Variants in FCRL3 observed in about 807,000 individuals in gnomAD.
FCRL3 encodes Fc receptor like 3.
FCRL3 carries 89 observed loss-of-function variants against 75.0 expected under a neutral mutation model. The observed-to-expected ratio is 1.19, with a 90% CI of 1.00 to 1.42. The LOEUF is 1.42. Among genes scored for constraint, FCRL3 ranks in the 40% most tolerant of loss-of-function variants. The probability of loss-of-function intolerance (pLI) is 0.00; values close to 1 mark genes in which losing one functional copy is unlikely to be tolerated. For missense variants in FCRL3, 946 were observed against 880.0 expected (o/e 1.07, Z -0.95); for synonymous variants, 376 against 348.5 (o/e 1.08, Z -0.88).
At chr1:157,685,183 A>T (rs1655099820) in intron 10 of FCRL3, among the ~76,000 whole-genome samples, 1 of 151,848 alleles carries the variant, frequency 6.6e-6, no homozygotes, top group African/African-American at 2.4e-5. Flanking sequence ...AGTATGTTAT[A>T]GATTAGAAAA....
chr1:157,700,356 G>A, intron 2 of FCRL3, 103 bp downstream of exon 2: 2 of 1,559,032 alleles, frequency 1.3e-6, no homozygotes, highest in Admixed American at 3.5e-5. Context: ...CTTGCTATCT[G>A]TCTCTGAACC....
intron 8 of FCRL3, 122 bp downstream of exon 8, chr1:157,695,207 G>T: frequency 1.0e-6 from 1 of 985,826 alleles, no homozygotes; most frequent in Non-Finnish European, 1.5e-6. Flanking sequence ...ACTCCCAGGT[G>T]GAGTCAGAAA....
intron 8 of FCRL3, among the ~76,000 whole-genome samples, chr1:157,694,395 T>G (rs1230680487): frequency 6.6e-6 from 1 of 152,196 alleles, no homozygotes; most frequent in Non-Finnish European, 1.5e-5. Flanking sequence ...ATTACCCAAG[T>G]TTGGCCTATA....
rs777897301 is a variant in FCRL3 at position 157,697,262 on chromosome 1, C to A, written c.722G>T (p.Arg241Met). The A allele has an allele frequency of 6.2e-6, 10 of 1,611,234 alleles. No individual in the cohort carries two copies. The highest frequency in any genetic ancestry group is 1.3e-5 in the African/African-American group (1 of 74,838). Residue 241 changes from arginine to methionine, a missense_variant, in exon 6 of 15, where the codon AGG (arginine) becomes ATG (methionine). By Grantham distance (91) the Arg-to-Met change is moderately conservative. Transcript: ENST00000368184. ...DSQTLGLGWS[R>M]SPRLQIPAMW... Reference sequence around the variant, plus strand: ...GGCAGGGATCTGGAGTCTGGGGGACCTGCTCCAGCCCAATCCGAGGGTCTG... The same window carrying A: ...GGCAGGGATCTGGAGTCTGGGGGACATGCTCCAGCCCAATCCGAGGGTCTG...
chr1:157,696,949 A>T, intron 6 of FCRL3, 191 bp downstream of exon 6: 1 of 433,948 alleles, frequency 2.3e-6, no homozygotes, highest in Non-Finnish European at 3.9e-6. Flanking sequence ...ATCAATAATT[A>T]CTATTACCTG....
chr1:157,697,533 A>G (rs576247478), intron 5 of FCRL3, 109 bp from the exon 6 acceptor site: 146 of 1,463,054 alleles, frequency 1.0e-4, no homozygotes, highest in African/African-American at 7.4e-4. Flanking sequence ...AGCATGCAGA[A>G]GGAACCATCT....
In FCRL3 at chr1:157,695,578, T is replaced by C; in HGVS notation, c.1162A>G (p.Arg388Gly). The change falls in exon 8 of 15, where the codon AGG (arginine) becomes GGG (glycine). Residue 388 changes from arginine to glycine, a missense_variant. Transcript: ENST00000368184. ...ACCACAGTGTGGGCCCTGGGAGCCCTGAAGGTGAGGACAGGGTGAGATACC... is the reference window on the plus strand; with the variant it reads ...ACCACAGTGTGGGCCCTGGGAGCCCCGAAGGTGAGGACAGGGTGAGATACC... ...IPVSHPVLTFRAPRAHTVVGD... is the reference protein window; with the variant it reads ...IPVSHPVLTFGAPRAHTVVGD... 2 of 1,613,100 alleles carry C rather than the reference T, an allele frequency of 1.2e-6. No homozygotes were observed. The highest frequency in any genetic ancestry group is 2.2e-5 in the South Asian group (2 of 90,996).
In FCRL3 at chr1:157,698,497, T is replaced by C; in HGVS notation, c.185A>G (p.Glu62Gly). The stretch of plus-strand genomic sequence containing the variant: ...GTCATGTTTTATTTTCAACAACTTC[T>C]CATCGTGATACCAATATGTGTCTCC... Reference protein sequence around the residue: ...AQGDTYWYHDEKLLKIKHDKI... With the variant: ...AQGDTYWYHDGKLLKIKHDKI... Residue 62 changes from glutamate to glycine, a missense_variant, in exon 4 of 15, where the codon GAG (glutamate) becomes GGG (glycine). Coordinates refer to ENST00000368184, the MANE Select transcript of FCRL3 (RefSeq NM_052939.4). 6 of 1,614,260 alleles carry C rather than the reference T, an allele frequency of 3.7e-6. No homozygotes were observed. The highest frequency in any genetic ancestry group is 5.1e-6 in the Non-Finnish European group (6 of 1,180,042).
intron 10 of FCRL3, 82 bp from the exon 11 acceptor site, chr1:157,683,326 A>C: frequency 6.6e-7 from 1 of 1,518,236 alleles, no homozygotes; most frequent in South Asian, 1.2e-5. Flanking sequence ...TTTCCTAGAA[A>C]TCAGATTCAT....
rs564259735 is a variant in FCRL3, at chr1:157,696,141, T to G, written c.1031A>C (p.His344Pro). The G allele has an allele frequency of 6.2e-7, 1 of 1,613,996 alleles. No individual in the cohort carries two copies. Among genetic ancestry groups the G allele is most frequent in the Admixed American group, 1.7e-5 (1 of 60,012 alleles). ...KTQRSLLAEL[H>P]VLTVKESDAG... Reference sequence around the variant, plus strand: ...ATCACTCTCCTTCACGGTGAGAACATGCAGCTCTGCCAACAGGGAACGCTG... The same window carrying G: ...ATCACTCTCCTTCACGGTGAGAACAGGCAGCTCTGCCAACAGGGAACGCTG... The change falls in exon 7 of 15, where the codon CAT (histidine) becomes CCT (proline). Residue 344 changes from histidine to proline, a missense_variant. Coordinates refer to ENST00000368184, the MANE Select transcript of FCRL3 (RefSeq NM_052939.4).
chr1:157,680,603 G>A (rs963892189), intron 13 of FCRL3, 99 bp downstream of exon 13: 60 of 982,306 alleles, frequency 6.1e-5, no homozygotes, highest in Admixed American at 6.0e-4. Context: ...AATGCCTTGC[G>A]TGTTGGGCTT....
Position 157,690,316 on chromosome 1 carries a change from T to C in FCRL3, c.1629A>G (p.Ser543=). ...CCCCCAGGCCATTGTCAGCCTCACA[T>C]GAGTAGTTTCCAGAATGTTCTGTAG... ...SLTTEHSGNY[S]CEADNGLGAQ... The change falls in exon 9 of 15, where the codon TCA becomes TCG. Residue 543 remains serine (S), a synonymous_variant. Transcript: ENST00000368184. The C allele has an allele frequency of 1.9e-6, 3 of 1,614,202 alleles. No individual in the cohort carries two copies. Among genetic ancestry groups the C allele is most frequent in the South Asian group, 1.1e-5 (1 of 91,088 alleles).
chr1:157,681,476 A>G (rs2101588772), intron 11 of FCRL3, among the ~76,000 whole-genome samples: 1 of 139,818 alleles, frequency 7.2e-6, no homozygotes, highest in Non-Finnish European at 1.5e-5. Flanking sequence ...CCCACCTATG[A>G]GTGAGAACAT....
rs762917378 is a variant in FCRL3 at position 157,676,822 on chromosome 1, A to C, written c.*1888T>G. 53 of 1,547,796 alleles carry C rather than the reference A, an allele frequency of 3.4e-5. No individual in the cohort carries two copies. Among genetic ancestry groups the C allele is most frequent in the Non-Finnish European group, 4.5e-5 (52 of 1,145,886 alleles). On this transcript the variant is annotated 3_prime_UTR_variant, in exon 15 of 15. Coordinates refer to ENST00000368184, the MANE Select transcript of FCRL3 (RefSeq NM_052939.4). ...ATGACAGGTCCCTTAGAGAAAGTTC[A>C]CTATAAGGCACAAAGGGGCTTGGCA... is the stretch of plus-strand genomic sequence containing the variant.
In FCRL3 at chr1:157,680,961, G is replaced by GC. The variant is rs144765595; in HGVS notation, c.1957+19dup. On this transcript the variant is annotated intron_variant, in intron 12 of 14. Transcript: ENST00000368184. ...CCCTGGCTCCTCCCTAGAGCCTTCT[G>GC]CCCCCTAGGGAGTCCTCACCATTGC... 8.8e-5 allele frequency: 136 copies of GC among 1,548,944 alleles called. No individual in the cohort carries two copies. In the African/African-American group the frequency reaches 1.8e-3, roughly 20 times the overall value.
rs1002339765 is a variant in FCRL3 at position 157,695,452 on chromosome 1, G to A, written c.1288C>T (p.Pro430Ser). 46 of 1,614,196 alleles carry A rather than the reference G, an allele frequency of 2.8e-5. No individual in the cohort carries two copies. The highest frequency in any genetic ancestry group is 3.8e-5 in the Non-Finnish European group (45 of 1,180,036). The change falls in exon 8 of 15, where the codon CCC (proline) becomes TCC (serine). Residue 430 changes from proline (P) to serine (S), a missense_variant. Coordinates refer to ENST00000368184, the MANE Select transcript of FCRL3 (RefSeq NM_052939.4). ...EDVTLGNSSA[P>S]SGGGASFNLS... ...TTGAAGGAGGCTCCTCCTCCAGAGG[G>A]GGCTGAGCTGTTCCCCAGGGTGACA... is the stretch of plus-strand genomic sequence containing the variant.
chr1:157,684,195 G>T (rs772863710), intron 10 of FCRL3, among the ~76,000 whole-genome samples: 1 of 152,128 alleles, frequency 6.6e-6, no homozygotes, highest in Non-Finnish European at 1.5e-5. Context: ...GCAAGTTTCC[G>T]TCATCACCGA....
chr1:157,677,694 T>C lies in FCRL3; in HGVS notation c.*1016A>G, dbSNP rs994694035. 1 of 770,086 alleles carries C rather than the reference T, an allele frequency of 1.3e-6. No homozygotes were observed. The highest frequency in any genetic ancestry group is 1.9e-5 in the African/African-American group (1 of 52,464). 47.7% of individuals were successfully genotyped at this position (770,086 alleles called of 1,614,324 possible). A position where few individuals can be genotyped will look rare whatever the true frequency, so the allele number is the denominator to read the frequency against. ...CTATAGCAACACGCAACAATATGGA[T>C]GAATCTTAGAAATACAACATGAAGA... On this transcript the variant is annotated 3_prime_UTR_variant, in exon 15 of 15. Coordinates refer to ENST00000368184, the MANE Select transcript of FCRL3 (RefSeq NM_052939.4).
intron 12 of FCRL3, 26 bp downstream of exon 12, chr1:157,680,955 C>T: frequency 6.5e-7 from 1 of 1,544,700 alleles, no homozygotes. Flanking sequence ...CTCCCTAGAG[C>T]CTTCTGCCCC....
Sources: allele counts gnomAD v4.1 joint callset (sites outside exome capture counted in the v4.1 genomes callset), GRCh38; gene constraint gnomAD v4.1.1; transcripts MANE v1.5; gene names NCBI Gene and HGNC (gene_info 2026-07-23, HGNC 2026-07-21).